SRGAP3: variants seen among roughly 807,000 people sequenced by gnomAD.
SRGAP3 encodes SLIT-ROBO Rho GTPase activating protein 3, also known as SLIT-ROBO Rho GTPase-activating protein 3.
In SRGAP3, 39 loss-of-function variants were observed where a neutral mutation model predicts 121.1. That is an observed-to-expected ratio of 0.32 (90% CI 0.25 to 0.42). SRGAP3 has a LOEUF of 0.42. SRGAP3 is among the 10% of genes least tolerant of loss of function. The pLI is 1.00. For missense variants in SRGAP3, 1,213 were observed against 1,470.6 expected (o/e 0.82, Z 2.86); for synonymous variants, 601 against 570.0 (o/e 1.05, Z -0.77).
intron 3 of SRGAP3, among the ~76,000 whole-genome samples, chr3:9,098,279 G>C (rs1948070555): frequency 6.6e-6 from 1 of 152,104 alleles, no homozygotes; most frequent in Non-Finnish European, 1.5e-5. Context: ...ACTTCACTTT[G>C]TTTTAATTAA....
chr3:9,083,446 C>A (rs1269150726), intron 3 of SRGAP3, among the ~76,000 whole-genome samples: 2 of 152,190 alleles, frequency 1.3e-5, no homozygotes, highest in Admixed American at 6.5e-5. Context: ...CATATATTTG[C>A]ATATCATATG....
intron 5 of SRGAP3, among the ~76,000 whole-genome samples, chr3:9,063,443 A>G (rs1203522372): frequency 6.6e-6 from 1 of 151,114 alleles, no homozygotes. Context: ...CAATCTTTTC[A>G]TGTACTTATT....
intron 1 of SRGAP3, among the ~76,000 whole-genome samples, chr3:9,140,165 G>A (rs1949800099): frequency 6.6e-6 from 1 of 151,088 alleles, no homozygotes; most frequent in Admixed American, 6.6e-5. Context: ...ATACACAAAT[G>A]TATGTGCAGG....
chr3:9,046,769 T>C (rs1945299283), intron 10 of SRGAP3, among the ~76,000 whole-genome samples: 1 of 152,108 alleles, frequency 6.6e-6, no homozygotes, highest in Non-Finnish European at 1.5e-5. Context: ...CCTCTATCAC[T>C]TTGCCTTGGA....
intron 1 of SRGAP3, among the ~76,000 whole-genome samples, chr3:9,169,054 C>T (rs924635275): frequency 6.6e-6 from 1 of 152,202 alleles, no homozygotes; most frequent in African/African-American, 2.4e-5. Flanking sequence ...CACAACTGTA[C>T]ATGGTAGCAC....
chr3:9,230,509 A>G (rs1443691314), intron 1 of SRGAP3, among the ~76,000 whole-genome samples: 1 of 152,178 alleles, frequency 6.6e-6, no homozygotes, highest in Non-Finnish European at 1.5e-5. Flanking sequence ...TCAAACAGTT[A>G]TGAACTCATC....
chr3:9,195,441 G>C (rs1331839591), intron 1 of SRGAP3, among the ~76,000 whole-genome samples: 1 of 152,112 alleles, frequency 6.6e-6, no homozygotes, highest in Non-Finnish European at 1.5e-5. Context: ...GATACAAAAA[G>C]CTGGCTGTTC....
upstream of SRGAP3, among the ~76,000 whole-genome samples, chr3:9,253,462 G>A (rs1428373735): frequency 6.6e-6 from 1 of 152,172 alleles, no homozygotes; most frequent in Non-Finnish European, 1.5e-5. Flanking sequence ...AAAACTCACT[G>A]AACCGGTTTC....
chr3:9,122,101 C>T (rs183939275), intron 2 of SRGAP3, among the ~76,000 whole-genome samples: 5 of 152,302 alleles, frequency 3.3e-5, no homozygotes, highest in Admixed American at 6.5e-5. Context: ...CTCATCTTTA[C>T]GATGGGGTAG....
chr3:9,014,203 G>A (rs1208410203), intron 15 of SRGAP3: 5 of 352,638 alleles, frequency 1.4e-5, no homozygotes, highest in Admixed American at 3.7e-5. Flanking sequence ...AGCCGGACGG[G>A]GCATATATCT....
chr3:9,130,044 G>A lies in SRGAP3; in HGVS notation c.68-5127C>T, dbSNP rs942688446. Among the ~76,000 whole-genome samples, 8 of 152,092 alleles carry A rather than the reference G, an allele frequency of 5.3e-5. No individual in the cohort carries two copies. The East Asian group carries it at 1.5e-3, about 29-fold the overall frequency. On this transcript the variant is annotated intron_variant, in intron 1 of 21. Coordinates refer to ENST00000383836, the MANE Select transcript of SRGAP3 (RefSeq NM_014850.4). Reference sequence around the variant, plus strand: ...CCCAAAGTGCTGGGATTACAAGCATGAGCCACCACGCCCAGCCTACTATTT... The same window carrying A: ...CCCAAAGTGCTGGGATTACAAGCATAAGCCACCACGCCCAGCCTACTATTT...
intron 1 of SRGAP3, among the ~76,000 whole-genome samples, chr3:9,188,275 A>G (rs749422048): frequency 1.1e-4 from 17 of 152,238 alleles, no homozygotes; most frequent in Non-Finnish European, 2.1e-4. Context: ...TCTGTTCCTA[A>G]TAATACCCAA....
intron 12 of SRGAP3, among the ~76,000 whole-genome samples, chr3:9,031,106 C>T (rs186900421): frequency 6.9e-4 from 105 of 152,298 alleles, no homozygotes; most frequent in African/African-American, 2.0e-3. Flanking sequence ...TGAGCCACTG[C>T]GCCTATCCTA....
intron 2 of SRGAP3, among the ~76,000 whole-genome samples, chr3:9,111,340 G>A (rs1346606266): frequency 2.0e-5 from 3 of 151,354 alleles, no homozygotes; most frequent in Non-Finnish European, 4.4e-5. Flanking sequence ...GTGCTCCAAA[G>A]GAAGAGTTGG....
At chr3:9,312,322 T>A (rs1036494848) in intron 3 of SRGAP3, among the ~76,000 whole-genome samples, 1 of 151,974 alleles carries the variant, frequency 6.6e-6, no homozygotes, top group African/African-American at 2.4e-5. Flanking sequence ...GCCCGGCTAA[T>A]TTTTTTGTAT....
intron 3 of SRGAP3, among the ~76,000 whole-genome samples, chr3:9,089,255 C>T (rs893678662): frequency 1.6e-5 from 2 of 123,384 alleles, no homozygotes; most frequent in South Asian, 4.9e-4. Context: ...ACAGGAACTG[C>T]TATAAGTATT....
chr3:9,146,537 T>C (rs1560264209), intron 1 of SRGAP3, among the ~76,000 whole-genome samples: 2 of 152,206 alleles, frequency 1.3e-5, no homozygotes, highest in African/African-American at 2.4e-5. Context: ...TAAGTTTACA[T>C]TTACCCCTCA....
intron 14 of SRGAP3, among the ~76,000 whole-genome samples, chr3:9,021,182 G>A (rs1244806102): frequency 6.6e-6 from 1 of 152,240 alleles, no homozygotes; most frequent in African/African-American, 2.4e-5. Flanking sequence ...AGAGTCAAGA[G>A]TGTGCTAGAG....
rs150409177 is a variant in SRGAP3, at chr3:9,318,011, A to G, written n.442+7999T>C. On this transcript the variant is annotated intron_variant and non_coding_transcript_variant, in intron 3 of 3. Transcript: ENST00000490889. ...GTTGTACACAAAATATAACATTTCA[A>G]TTTCATTTTTAGCCCCTATCCGACT... Among the ~76,000 whole-genome samples the G allele has an allele frequency of 1.9e-4, 29 of 151,978 alleles. No individual in the cohort carries two copies. In the East Asian group the frequency reaches 4.4e-3, roughly 23 times the overall value.
Sources: allele counts gnomAD v4.1 joint callset (sites outside exome capture counted in the v4.1 genomes callset), GRCh38; gene constraint gnomAD v4.1.1; transcripts MANE v1.5; gene names NCBI Gene and HGNC (gene_info 2026-07-23, HGNC 2026-07-21).